Variants in CTTNBP2 observed in about 807,000 individuals in gnomAD.
The protein encoded by CTTNBP2 is cortactin-binding protein 2.
Under a neutral mutation model 156.9 loss-of-function variants are expected in CTTNBP2, and 108 were observed. The ratio of observed to expected loss-of-function variants is 0.69; its 90% CI spans 0.59 to 0.81. The LOEUF (loss-of-function observed/expected upper bound fraction) is 0.81. Among genes scored for constraint, CTTNBP2 ranks in the 30% least tolerant of loss-of-function variants. CTTNBP2 has a pLI of 0.00. For synonymous variants in CTTNBP2, 767 were observed against 751.8 expected (o/e 1.02, Z -0.33); for missense variants, 1,924 against 2,035.4 (o/e 0.95, Z 1.05).
At chr7:117,845,142 AC>A (rs1375317075) in intron 2 of CTTNBP2, among the ~76,000 whole-genome samples, 1 of 152,170 alleles carries the variant, frequency 6.6e-6, no homozygotes, top group African/African-American at 2.4e-5. Context: ...TTTCACTGGC[AC>A]CAGGGTTTTA....
chr7:117,786,235 TTTA>T lies in CTTNBP2; in HGVS notation c.2069-1784_2069-1782del, dbSNP rs1333742120. Among the ~76,000 whole-genome samples the T allele has an allele frequency of 3.2e-4, 48 of 152,250 alleles. 1 individual carries two copies. Among genetic ancestry groups the T allele is most frequent in the Admixed American group, 2.0e-4 (3 of 15,288 alleles). ...ATCAATTATTTGGGTCTATGAATAA[TTTA>T]TTGTTTTTAACCCTATTAGGACTAC... On this transcript the variant is annotated intron_variant, in intron 4 of 22. Coordinates refer to ENST00000160373, the MANE Select transcript of CTTNBP2 (RefSeq NM_033427.3).
intron 4 of CTTNBP2, 50 bp from the exon 5 acceptor site, chr7:117,784,504 C>T: frequency 1.5e-6 from 2 of 1,317,244 alleles, no homozygotes; most frequent in Non-Finnish European, 2.1e-6. Context: ...GGACAAGAGA[C>T]AGATATTACC....
intron 3 of CTTNBP2, 44 bp downstream of exon 3, chr7:117,810,721 G>C (rs371478739): frequency 1.3e-6 from 2 of 1,491,662 alleles, no homozygotes; most frequent in Non-Finnish European, 9.3e-7. Context: ...CTCCTCATTG[G>C]ACACCATGTT....
At chr7:117,718,999 C>G (rs1454447923) in intron 21 of CTTNBP2, among the ~76,000 whole-genome samples, 1 of 152,134 alleles carries the variant, frequency 6.6e-6, no homozygotes, top group Non-Finnish European at 1.5e-5. Context: ...GAGTTCAAGA[C>G]CAGCCTGACC....
intron 3 of CTTNBP2, among the ~76,000 whole-genome samples, chr7:117,793,215 T>G (rs1799132981): frequency 6.6e-6 from 1 of 152,230 alleles, no homozygotes; most frequent in Non-Finnish European, 1.5e-5. Context: ...AACCGAGGAC[T>G]TCAGTTAAAT....
chr7:117,835,402 A>G (rs990892705), intron 2 of CTTNBP2, among the ~76,000 whole-genome samples: 25 of 152,232 alleles, frequency 1.6e-4, no homozygotes, highest in African/African-American at 5.8e-4. Context: ...TACTTTTCTA[A>G]CAAGTAGCCA....
Position 117,791,652 on chromosome 7 carries a change from GT to G in CTTNBP2, c.1543del (p.Thr515GlnfsTer15). 1 of 1,614,186 alleles carries G rather than the reference GT, an allele frequency of 6.2e-7. No homozygotes were observed. The highest frequency in any genetic ancestry group is 8.5e-7 in the Non-Finnish European group (1 of 1,180,034). On this transcript the variant is annotated frameshift_variant, in exon 4 of 23. Coordinates refer to ENST00000160373, the MANE Select transcript of CTTNBP2 (RefSeq NM_033427.3). LOFTEE classifies it high-confidence loss of function. ...GAPSRPGVPP[T>X]GDVGTHPPVG... The stretch of plus-strand genomic sequence containing the variant: ...TGGAGGGTGGGTGCCAACATCCCCT[GT>G]TGGGGGCACTCCAGGCCTTGAGGGA...
chr7:117,868,539 G>T (rs952374694), intron 1 of CTTNBP2, among the ~76,000 whole-genome samples: 34 of 152,130 alleles, frequency 2.2e-4, no homozygotes, highest in Admixed American at 4.6e-4. Flanking sequence ...GCATCATGCT[G>T]TACACGGCAT....
rs762751727 is a variant in CTTNBP2 at position 117,746,053 on chromosome 7, A to T, written c.3395T>A (p.Leu1132Ter). The T allele has an allele frequency of 6.2e-7, 1 of 1,614,124 alleles. No homozygotes were observed. The highest frequency in any genetic ancestry group is 1.1e-5 in the South Asian group (1 of 91,080). The change falls in exon 13 of 23, where the codon TTG becomes TAG. Residue 1132 changes from leucine to a stop codon, truncating the protein, a stop_gained. Transcript: ENST00000160373. LOFTEE classifies it high-confidence loss of function. ...AAGCTGATGTACTATGTAGTCTTGC[A>T]AGCTTCCTTCTGGGCCGTGGAAAAT... ...NVIFHGPEGSLQDYIVHQLAL... is the reference protein window; with the variant it reads ...NVIFHGPEGS
chr7:117,810,488 C>CAT (rs1395054366), intron 3 of CTTNBP2, among the ~76,000 whole-genome samples: 12 of 152,106 alleles, frequency 7.9e-5, no homozygotes, highest in African/African-American at 2.9e-4. Context: ...AGTCCAAAAA[C>CAT]ATATATATAG....
rs1021262422 is a variant in CTTNBP2, at chr7:117,801,996, C to T, written c.414+8769G>A. Among the ~76,000 whole-genome samples, 5 of 150,992 alleles carry T rather than the reference C, an allele frequency of 3.3e-5. No individual in the cohort carries two copies. In the East Asian group the frequency reaches 7.8e-4, roughly 24 times the overall value. On this transcript the variant is annotated intron_variant, in intron 3 of 22. Transcript: ENST00000160373. Reference sequence around the variant, plus strand: ...TATGTATACATGTGCCATGCTGGTGCGCTGCACCCACTAACTCGTCATCTA... The same window carrying T: ...TATGTATACATGTGCCATGCTGGTGTGCTGCACCCACTAACTCGTCATCTA...
chr7:117,871,977 T>C, intron 1 of CTTNBP2: 1 of 985,346 alleles, frequency 1.0e-6, no homozygotes, highest in Non-Finnish European at 1.2e-6. Context: ...GCTAGTTTCC[T>C]TACTGTGCCC....
At chr7:117,820,685 A>C (rs1800905873) in intron 2 of CTTNBP2, among the ~76,000 whole-genome samples, 1 of 152,214 alleles carries the variant, frequency 6.6e-6, no homozygotes, top group Non-Finnish European at 1.5e-5. Flanking sequence ...CTGACCACAT[A>C]TGTGACTCTA....
chr7:117,858,286 C>A (rs562023703), intron 2 of CTTNBP2, among the ~76,000 whole-genome samples: 1 of 152,136 alleles, frequency 6.6e-6, no homozygotes, highest in African/African-American at 2.4e-5. Flanking sequence ...AGAAGAATGG[C>A]GTGAACCCGG....
At chr7:117,764,030 C>G (rs1797348888) in intron 9 of CTTNBP2, among the ~76,000 whole-genome samples, 2 of 152,070 alleles carry the variant, frequency 1.3e-5, no homozygotes, top group South Asian at 4.2e-4. Context: ...TCTCATAGCA[C>G]CCCTATGACT....
chr7:117,823,732 T>G (rs2117040271), intron 2 of CTTNBP2, among the ~76,000 whole-genome samples: 1 of 152,290 alleles, frequency 6.6e-6, no homozygotes, highest in Non-Finnish European at 1.5e-5. Flanking sequence ...AGGGTCTTGC[T>G]CTGTCACCCA....
chr7:117,793,650 C>G (rs981227393), intron 3 of CTTNBP2: 1 of 152,284 alleles, frequency 6.6e-6, no homozygotes, highest in African/African-American at 2.4e-5. Context: ...GATTTCCCTA[C>G]TCACCCAGCT....
intron 14 of CTTNBP2, among the ~76,000 whole-genome samples, chr7:117,744,022 T>TA (rs947624862): frequency 1.1e-4 from 17 of 151,462 alleles, no homozygotes; most frequent in African/African-American, 3.4e-4. Context: ...ATTTCTTTTT[T>TA]AAAAAAAAAT....
chr7:117,810,716 C>T, intron 3 of CTTNBP2, 49 bp downstream of exon 3: 4 of 1,460,740 alleles, frequency 2.7e-6, no homozygotes, highest in Non-Finnish European at 3.8e-6. Context: ...GTGATCTCCT[C>T]ATTGGACACC....
Sources: gnomAD v4.1 joint callset for allele counts (sites outside exome capture counted in the v4.1 genomes callset) on GRCh38, gnomAD v4.1.1 for gene constraint, MANE v1.5 for transcripts, NCBI Gene and HGNC (gene_info 2026-07-23, HGNC 2026-07-21) for gene names.